The following ITIH5 variants were observed in gnomAD, a reference collection of about 807,000 sequenced individuals.
ITIH5 encodes inter-alpha-trypsin inhibitor heavy chain H5.
Under a neutral mutation model 77.5 loss-of-function variants are expected in ITIH5, and 65 were observed. The observed-to-expected ratio is 0.84, with a 90% CI of 0.69 to 1.03. The LOEUF is 1.03. Among genes scored for constraint, ITIH5 ranks in the 50% least tolerant of loss-of-function variants. The probability of loss-of-function intolerance (pLI) is 0.00; values close to 1 mark genes in which losing one functional copy is unlikely to be tolerated. For synonymous variants in ITIH5, 525 were observed against 494.3 expected, an observed-to-expected ratio of 1.06 and a Z score of -0.82; for missense variants, 1,208 against 1,213.1, an observed-to-expected ratio of 1.00 and a Z score of 0.06.
At chr10:7,576,220 T>C (rs1832410685) in intron 10 of ITIH5, among the ~76,000 whole-genome samples, 1 of 152,070 alleles carries the variant, frequency 6.6e-6, no homozygotes, top group Admixed American at 6.6e-5. Context: ...AGAGACAGGG[T>C]CTCTCTGTGT....
chr10:7,628,675 A>G lies in ITIH5; in HGVS notation c.652+8553T>C, dbSNP rs532837673. Among the ~76,000 whole-genome samples, 45 of 114,976 alleles carry G rather than the reference A, an allele frequency of 3.9e-4. 1 individual carries two copies. Among genetic ancestry groups the G allele is most frequent in the African/African-American group, 1.0e-3 (39 of 37,488 alleles). 75.4% of individuals were successfully genotyped at this position (114,976 alleles called of 152,430 possible). A position where few individuals can be genotyped will look rare whatever the true frequency, so the allele number is the denominator to read the frequency against. ...GTTGTCTGGGTTGTCACATGTGTCC[A>G]TGTTGTAGCGTGTGTCCATGTTGCA... On this transcript the variant is annotated intron_variant, in intron 5 of 13. Coordinates refer to ENST00000397146, the MANE Select transcript of ITIH5 (RefSeq NM_030569.7).
At chr10:7,600,458 C>T in intron 7 of ITIH5, 1 of 449,536 alleles carries the variant, frequency 2.2e-6, no homozygotes, top group Non-Finnish European at 4.5e-6. Flanking sequence ...CCCACTGCTG[C>T]CATCAACCCA....
intron 6 of ITIH5, 64 bp downstream of exon 6, chr10:7,617,049 C>T: frequency 2.0e-6 from 2 of 1,003,294 alleles, no homozygotes; most frequent in Non-Finnish European, 2.7e-6. Flanking sequence ...TATTGGGATC[C>T]ACAGTATGAG....
intron 9 of ITIH5, among the ~76,000 whole-genome samples, chr10:7,577,953 A>G (rs775615607): frequency 2.6e-5 from 4 of 152,194 alleles, no homozygotes; most frequent in Admixed American, 2.0e-4. Flanking sequence ...CGAGGCCACA[A>G]ATGGCTATGT....
intron 5 of ITIH5, among the ~76,000 whole-genome samples, chr10:7,637,003 A>T (rs1833808586): frequency 6.6e-6 from 1 of 152,166 alleles, no homozygotes; most frequent in Non-Finnish European, 1.5e-5. Context: ...GTGAGCGGAG[A>T]TCTCGCCACT....
At chr10:7,655,486 A>G in intron 2 of ITIH5, 145 bp downstream of exon 2, 1 of 577,068 alleles carries the variant, frequency 1.7e-6, no homozygotes, top group South Asian at 2.9e-5. Context: ...CTTATAAAAG[A>G]CTCAACTATG....
chr10:7,569,579 G>T, intron 12 of ITIH5, 89 bp downstream of exon 12: 1 of 788,930 alleles, frequency 1.3e-6, no homozygotes, highest in Non-Finnish European at 2.0e-6. Context: ...GGTGGCCCTT[G>T]GATCACTGGA....
chr10:7,578,066 G>A (rs925479791), intron 9 of ITIH5, among the ~76,000 whole-genome samples: 1 of 152,064 alleles, frequency 6.6e-6, no homozygotes, highest in African/African-American at 2.4e-5. Context: ...CCTTTTTGCG[G>A]CTAGAAAACA....
chr10:7,588,086 T>G (rs1832718290), intron 7 of ITIH5, among the ~76,000 whole-genome samples: 1 of 152,212 alleles, frequency 6.6e-6, no homozygotes, highest in African/African-American at 2.4e-5. Flanking sequence ...GCATCTATTT[T>G]TAAATCTGCA....
chr10:7,576,523 G>A lies in ITIH5; in HGVS notation c.1908C>T (p.Ala636=), dbSNP rs1347453216. 1 of 1,612,304 alleles carries A rather than the reference G, an allele frequency of 6.2e-7. No homozygotes were observed. The highest frequency in any genetic ancestry group is 1.7e-5 in the Admixed American group (1 of 59,982). ...GTCCCATGGCAGCCGACATGCCGTG[G>A]GCCTCCTCCAGGCCATCCATGCGTG... is the stretch of plus-strand genomic sequence containing the variant. ...PVPRMDGLEE[A]HGMSAAMGPE... The change falls in exon 10 of 14, where the codon GCC becomes GCT. Residue 636 remains alanine (A), a synonymous_variant. Transcript: ENST00000397146.
At position 7,641,914 on chromosome 10, in the gene ITIH5, G is replaced by C; in HGVS notation, c.299+13C>G. 6.2e-7 allele frequency: 1 copy of C among 1,613,292 alleles called. No individual in the cohort carries two copies. The highest frequency in any genetic ancestry group is 1.1e-5 in the South Asian group (1 of 91,004). On this transcript the variant is annotated intron_variant, in intron 3 of 13. Transcript: ENST00000397146. ...AGGCAGAAATCTTCATCCCTGACCA[G>C]CGTGTCACCTACATAGTGAAGTTGG...
intron 11 of ITIH5, chr10:7,572,100 C>T: frequency 9.7e-7 from 1 of 1,035,344 alleles, no homozygotes; most frequent in Non-Finnish European, 1.2e-6. Context: ...GCTTTTCTGG[C>T]ATTCCATAAA....
chr10:7,626,000 G>A (rs1321773420), intron 5 of ITIH5, among the ~76,000 whole-genome samples: 2 of 152,212 alleles, frequency 1.3e-5, no homozygotes, highest in Admixed American at 6.5e-5. Context: ...TGAAAATGAT[G>A]AAATGCATTA....
At chr10:7,650,381 G>T (rs979411744) in intron 2 of ITIH5, among the ~76,000 whole-genome samples, 4 of 152,172 alleles carry the variant, frequency 2.6e-5, no homozygotes, top group African/African-American at 9.7e-5. Flanking sequence ...CTGGAGCGTG[G>T]CAGTTGGCTG....
chr10:7,578,949 G>C (rs75506262), intron 9 of ITIH5, among the ~76,000 whole-genome samples: 1,590 of 152,262 alleles, frequency 0.01, 14 homozygotes, highest in Non-Finnish European at 0.015. Flanking sequence ...TTATCTGATG[G>C]TTTTGCTTCC....
In ITIH5 at chr10:7,566,262, C is replaced by G; in HGVS notation, c.2295G>C (p.Leu765Phe). Residue 765 changes from leucine (L) to phenylalanine (F), a missense_variant, in exon 13 of 14, where the codon TTG becomes TTC. Physicochemically the swap from Leu to Phe is conservative, Grantham distance 22. Coordinates refer to ENST00000397146, the MANE Select transcript of ITIH5 (RefSeq NM_030569.7). ...YLEITPSRVI[L>F]DGGDRLVLPC... is the part of the protein sequence containing the mutation. ...GGAGCACCAGTCTGTCCCCACCATC[C>G]AAGATGACTCTGCTCGGTGTGATCT... 6.2e-7 allele frequency: 1 copy of G among 1,613,392 alleles called. No individual in the cohort carries two copies. Among genetic ancestry groups the G allele is most frequent in the Non-Finnish European group, 8.5e-7 (1 of 1,179,730 alleles).
rs967400784 is a variant in ITIH5 at position 7,562,265 on chromosome 10, C to T, written c.*818G>A. ...AAAGATGCATCATTCACTTGGCCAA[C>T]TCTTCGTCACCAAGACATGCCAGTA... On this transcript the variant is annotated 3_prime_UTR_variant, in exon 14 of 14. Coordinates refer to ENST00000397146, the MANE Select transcript of ITIH5 (RefSeq NM_030569.7). 6 of 152,220 alleles carry T rather than the reference C, an allele frequency of 3.9e-5. No individual in the cohort carries two copies. Among genetic ancestry groups the T allele is most frequent in the Non-Finnish European group, 7.3e-5 (5 of 68,042 alleles). The allele number at this position is 152,220 out of a possible 1,614,324, so 9.4% of individuals were successfully genotyped here.
At chr10:7,566,454 A>T in intron 12 of ITIH5, 47 bp from the exon 13 acceptor site, 1 of 1,540,294 alleles carries the variant, frequency 6.5e-7, no homozygotes, top group Non-Finnish European at 8.8e-7. Context: ...TCTGACCAGG[A>T]GTGGTGGCTC....
intron 4 of ITIH5, among the ~76,000 whole-genome samples, chr10:7,639,802 GAA>G (rs1312582175): frequency 6.6e-6 from 1 of 151,998 alleles, no homozygotes; most frequent in Non-Finnish European, 1.5e-5. Context: ...ATAAACAAAA[GAA>G]AGAATAAAAG....
Sources: gnomAD v4.1 joint callset for allele counts (sites outside exome capture counted in the v4.1 genomes callset) on GRCh38, gnomAD v4.1.1 for gene constraint, MANE v1.5 for transcripts, NCBI Gene and HGNC (gene_info 2026-07-23, HGNC 2026-07-21) for gene names.